The following EIF4G3 variants were observed in gnomAD, a reference collection of about 807,000 sequenced individuals.
EIF4G3 encodes the protein eukaryotic translation initiation factor 4 gamma 3.
In EIF4G3, 34 loss-of-function variants were observed where a neutral mutation model predicts 186.4. That is an observed-to-expected ratio of 0.18 (90% CI 0.14 to 0.24). The LOEUF (loss-of-function observed/expected upper bound fraction) is 0.24. Among genes scored for constraint, EIF4G3 ranks in the 10% least tolerant of loss-of-function variants. The pLI, the probability that EIF4G3 is intolerant of heterozygous loss-of-function variation, is 1.00. For missense variants in EIF4G3, 1,536 were observed against 1,948.5 expected (o/e 0.79, Z 3.99); for synonymous variants, 673 against 679.5 (o/e 0.99, Z 0.15).
chr1:21,105,451 A>T (rs1002550466), intron 2 of EIF4G3, among the ~76,000 whole-genome samples: 1 of 151,884 alleles, frequency 6.6e-6, no homozygotes, highest in African/African-American at 2.4e-5. Context: ...AAAAAAAAAA[A>T]TCTGTACACC....
chr1:20,892,973 T>A, intron 18 of EIF4G3: 1 of 462,898 alleles, frequency 2.2e-6, no homozygotes. Flanking sequence ...AGTGGCATGA[T>A]CATGGCTCAC....
intron 19 of EIF4G3, among the ~76,000 whole-genome samples, chr1:20,880,267 A>G (rs2081955045): frequency 6.6e-6 from 1 of 152,250 alleles, no homozygotes; most frequent in Admixed American, 6.5e-5. Flanking sequence ...TGCAGAGAAG[A>G]TATAATTGTC....
intron 11 of EIF4G3, 69 bp from the exon 12 acceptor site, chr1:20,969,665 T>C (rs936572932): frequency 4.6e-6 from 7 of 1,516,824 alleles, no homozygotes; most frequent in Non-Finnish European, 6.3e-6. Flanking sequence ...GGCATATAAG[T>C]GAGTTAAAGG....
At chr1:21,101,937 TAA>T (rs1308476545) in intron 2 of EIF4G3, among the ~76,000 whole-genome samples, 6 of 152,108 alleles carry the variant, frequency 3.9e-5, no homozygotes, top group Non-Finnish European at 8.8e-5. Context: ...GGCCATCTGT[TAA>T]AGTTATAAGT....
intron 23 of EIF4G3, among the ~76,000 whole-genome samples, chr1:20,860,997 A>G (rs1255937202): frequency 3.3e-5 from 5 of 152,196 alleles, no homozygotes; most frequent in Admixed American, 1.3e-4. Flanking sequence ...TATTTCTCCA[A>G]TATCATGGTT....
intron 2 of EIF4G3, among the ~76,000 whole-genome samples, chr1:21,114,240 G>A (rs950060753): frequency 6.6e-6 from 1 of 151,694 alleles, no homozygotes; most frequent in African/African-American, 2.4e-5. Context: ...TCCGCCTCCC[G>A]GGTTCAAGCC....
intron 4 of EIF4G3, among the ~76,000 whole-genome samples, chr1:21,047,912 T>C (rs1198480296): frequency 6.6e-6 from 1 of 152,140 alleles, no homozygotes; most frequent in African/African-American, 2.4e-5. Flanking sequence ...GATGAATCCA[T>C]AGAGGCTTCC....
chr1:21,007,669 G>A (rs893519018), intron 4 of EIF4G3, among the ~76,000 whole-genome samples: 2 of 151,622 alleles, frequency 1.3e-5, no homozygotes, highest in Non-Finnish European at 2.9e-5. Flanking sequence ...ATCATGGAAA[G>A]ATGTCCATAA....
chr1:20,882,176 TACACACACAC>T (rs138208807), intron 19 of EIF4G3, among the ~76,000 whole-genome samples: 57 of 87,028 alleles, frequency 6.5e-4, no homozygotes, highest in African/African-American at 9.8e-4. Context: ...AAAGAAAAAT[TACACACACAC>T]ACACACACAC....
chr1:20,871,160 GGT>G (rs1356992913), intron 20 of EIF4G3, among the ~76,000 whole-genome samples: 4 of 152,100 alleles, frequency 2.6e-5, no homozygotes, highest in African/African-American at 9.7e-5. Context: ...TTACAAAAGA[GGT>G]TTTAAATGGA....
At chr1:20,914,899 G>A (rs1191915321) in intron 14 of EIF4G3, among the ~76,000 whole-genome samples, 4 of 152,254 alleles carry the variant, frequency 2.6e-5, no homozygotes, top group South Asian at 2.1e-4. Context: ...TGTATCTACT[G>A]TTTGAATGTT....
chr1:20,823,526 G>A (rs947594820), intron 33 of EIF4G3, among the ~76,000 whole-genome samples: 3 of 151,906 alleles, frequency 2.0e-5, no homozygotes, highest in African/African-American at 7.3e-5. Context: ...ACGACTACAG[G>A]TGCACCAATA....
At chr1:21,092,500 A>T (rs763833330) in intron 2 of EIF4G3, among the ~76,000 whole-genome samples, 3 of 152,218 alleles carry the variant, frequency 2.0e-5, no homozygotes, top group South Asian at 4.2e-4. Flanking sequence ...CATAAAATCA[A>T]TATCATGAAA....
At chr1:20,831,305 C>G (rs982080844) in intron 30 of EIF4G3, among the ~76,000 whole-genome samples, 1 of 135,970 alleles carries the variant, frequency 7.4e-6, no homozygotes, top group Non-Finnish European at 1.6e-5. Context: ...TTTGAGAAAG[C>G]CTTCAATCTT....
At chr1:20,845,169 G>A (rs539456220) in intron 29 of EIF4G3, among the ~76,000 whole-genome samples, 4 of 152,144 alleles carry the variant, frequency 2.6e-5, no homozygotes, top group African/African-American at 4.8e-5. Flanking sequence ...TCAATTTTCC[G>A]CTTATGACTA....
intron 2 of EIF4G3, among the ~76,000 whole-genome samples, chr1:21,140,449 G>T (rs1438188463): frequency 6.6e-6 from 1 of 152,136 alleles, no homozygotes; most frequent in Non-Finnish European, 1.5e-5. Context: ...AAATAGCTGG[G>T]ACTACAGGAA....
At chr1:20,854,030 G>A (rs1197149756) in intron 26 of EIF4G3, among the ~76,000 whole-genome samples, 1 of 152,056 alleles carries the variant, frequency 6.6e-6, no homozygotes, top group African/African-American at 2.4e-5. Context: ...TATGCATGTG[G>A]GTTTTACTGA....
At chr1:20,957,515 T>C (rs1430841690) in intron 12 of EIF4G3, among the ~76,000 whole-genome samples, 1 of 125,628 alleles carries the variant, frequency 8.0e-6, no homozygotes, top group Admixed American at 8.0e-5. Context: ...TAAACAAGAC[T>C]CTGTCTCAAA....
chr1:21,039,760 C>A (rs1571500213), intron 4 of EIF4G3, among the ~76,000 whole-genome samples: 2 of 152,146 alleles, frequency 1.3e-5, no homozygotes, highest in Admixed American at 6.5e-5. Flanking sequence ...AATCACATAA[C>A]TGATAAGGAA....
Sources: allele counts gnomAD v4.1 joint callset (sites outside exome capture counted in the v4.1 genomes callset), GRCh38; gene constraint gnomAD v4.1.1; transcripts MANE v1.5; gene names NCBI Gene and HGNC (gene_info 2026-07-23, HGNC 2026-07-21).